The following NIPAL2 variants were observed in gnomAD, a reference collection of about 807,000 sequenced individuals.
NIPAL2 encodes the protein NIPA-like protein 2.
Under a neutral mutation model 48.9 loss-of-function variants are expected in NIPAL2, and 43 were observed. That is an observed-to-expected ratio of 0.88 (90% CI 0.69 to 1.13). The LOEUF (loss-of-function observed/expected upper bound fraction) is 1.13. Among genes scored for constraint, NIPAL2 ranks in the 50% most tolerant of loss-of-function variants. The pLI is 0.00. For synonymous variants in NIPAL2, 167 were observed against 174.6 expected (o/e 0.96, Z 0.34); for missense variants, 446 against 461.4 (o/e 0.97, Z 0.31).
intron 1 of NIPAL2, among the ~76,000 whole-genome samples, chr8:98,268,602 C>T (rs968960239): frequency 1.4e-5 from 2 of 141,256 alleles, no homozygotes; most frequent in African/African-American, 5.3e-5. Flanking sequence ...GCCTGGGCAA[C>T]AGAGCAAGAC....
At chr8:98,284,416 T>TCACA (rs1194028776) in intron 1 of NIPAL2, among the ~76,000 whole-genome samples, 1 of 101,782 alleles carries the variant, frequency 9.8e-6, no homozygotes, top group Non-Finnish European at 2.0e-5. Context: ...TCTCTCTCTC[T>TCACA]CTCACACACA....
chr8:98,292,177 TC>T (rs1816522301), intron 1 of NIPAL2, among the ~76,000 whole-genome samples: 1 of 152,220 alleles, frequency 6.6e-6, no homozygotes, highest in Admixed American at 6.5e-5. Flanking sequence ...CACATTTATA[TC>T]TCACACTTTG....
At chr8:98,210,311 T>C (rs893126159) in intron 6 of NIPAL2, among the ~76,000 whole-genome samples, 54 of 121,486 alleles carry the variant, frequency 4.4e-4, no homozygotes, top group African/African-American at 1.3e-3. Context: ...GCTTTAATAA[T>C]AATTTAAAAA....
chr8:98,259,359 G>A (rs536214147), intron 1 of NIPAL2, among the ~76,000 whole-genome samples: 1 of 152,214 alleles, frequency 6.6e-6, no homozygotes, highest in East Asian at 1.9e-4. Context: ...ACAGGCGTGA[G>A]CCACCGCACC....
intron 1 of NIPAL2, among the ~76,000 whole-genome samples, chr8:98,277,674 C>T (rs1815552237): frequency 6.6e-6 from 1 of 152,186 alleles, no homozygotes; most frequent in South Asian, 2.1e-4. Flanking sequence ...TTTGCCTATT[C>T]TGGACATTTT....
At chr8:98,230,999 C>G (rs563691437) in intron 4 of NIPAL2, among the ~76,000 whole-genome samples, 2 of 152,168 alleles carry the variant, frequency 1.3e-5, no homozygotes, top group African/African-American at 4.8e-5. Context: ...ATTCAGCTAA[C>G]CTGACTGCAA....
intron 1 of NIPAL2, among the ~76,000 whole-genome samples, chr8:98,268,368 C>T (rs1814903069): frequency 6.6e-6 from 1 of 152,052 alleles, no homozygotes; most frequent in Non-Finnish European, 1.5e-5. Context: ...TGCCTGTCAT[C>T]CCGGCATTTT....
At chr8:98,276,439 A>G (rs1335961122) in intron 1 of NIPAL2, among the ~76,000 whole-genome samples, 3 of 152,112 alleles carry the variant, frequency 2.0e-5, no homozygotes, top group African/African-American at 7.2e-5. Flanking sequence ...CATTATCTGG[A>G]TGTACCACAG....
At chr8:98,213,122 CAG>C (rs1811401868) in intron 5 of NIPAL2, among the ~76,000 whole-genome samples, 1 of 152,182 alleles carries the variant, frequency 6.6e-6, no homozygotes, top group Admixed American at 6.5e-5. Flanking sequence ...CAGGCACTCA[CAG>C]AGTCTCTACC....
intron 1 of NIPAL2, among the ~76,000 whole-genome samples, chr8:98,256,613 C>A (rs960803157): frequency 7.0e-6 from 1 of 143,752 alleles, no homozygotes; most frequent in East Asian, 2.0e-4. Flanking sequence ...ACTTCACATC[C>A]AGTAGGATGG....
At chr8:98,293,677 G>C (rs903428843) in intron 1 of NIPAL2, among the ~76,000 whole-genome samples, 6 of 152,204 alleles carry the variant, frequency 3.9e-5, no homozygotes, top group African/African-American at 1.4e-4. Context: ...GATTCCTTCC[G>C]GGAGAAGAGG....
At chr8:98,258,593 G>A (rs1032162927) in intron 1 of NIPAL2, among the ~76,000 whole-genome samples, 3 of 152,158 alleles carry the variant, frequency 2.0e-5, no homozygotes, top group Non-Finnish European at 4.4e-5. Flanking sequence ...TGGGTAACAA[G>A]ACTGAAACCC....
chr8:98,272,548 C>A (rs1287540401), intron 1 of NIPAL2, among the ~76,000 whole-genome samples: 1 of 151,670 alleles, frequency 6.6e-6, no homozygotes. Context: ...TATTAAGAAA[C>A]AGTTTCAATA....
intron 4 of NIPAL2, among the ~76,000 whole-genome samples, chr8:98,235,200 A>C (rs1383908524): frequency 6.6e-6 from 1 of 152,186 alleles, no homozygotes; most frequent in Non-Finnish European, 1.5e-5. Flanking sequence ...GCATTGTTTT[A>C]TTTAAAGTGC....
intron 5 of NIPAL2, among the ~76,000 whole-genome samples, chr8:98,220,836 A>G (rs1297985412): frequency 1.3e-5 from 2 of 152,068 alleles, no homozygotes; most frequent in African/African-American, 4.8e-5. Flanking sequence ...AATCTATACT[A>G]ACTTCTGTGA....
intron 1 of NIPAL2, among the ~76,000 whole-genome samples, chr8:98,276,059 C>T (rs1468085510): frequency 6.6e-6 from 1 of 152,130 alleles, no homozygotes; most frequent in African/African-American, 2.4e-5. Flanking sequence ...AAGAGTAATA[C>T]ATTTGTTACA....
intron 1 of NIPAL2, among the ~76,000 whole-genome samples, chr8:98,266,553 C>CAA (rs1168587196): frequency 2.7e-4 from 19 of 69,254 alleles, no homozygotes; most frequent in East Asian, 2.3e-3. Flanking sequence ...ACTCTGTCTC[C>CAA]AAAAAAAAAA....
chr8:98,196,143 T>C, intron 8 of NIPAL2, 138 bp from the exon 9 acceptor site: 1 of 507,548 alleles, frequency 2.0e-6, no homozygotes, highest in Non-Finnish European at 3.4e-6. Flanking sequence ...CATTCAGCAG[T>C]TTAGTTTAAG....
chr8:98,230,785 C>T (rs534620613), intron 4 of NIPAL2, among the ~76,000 whole-genome samples: 26 of 152,280 alleles, frequency 1.7e-4, no homozygotes, highest in East Asian at 9.7e-4. Flanking sequence ...CTCTAGCTGG[C>T]GGAGTCTTGG....
Sources: allele counts gnomAD v4.1 joint callset (sites outside exome capture counted in the v4.1 genomes callset), GRCh38; gene constraint gnomAD v4.1.1; transcripts MANE v1.5; gene names NCBI Gene and HGNC (gene_info 2026-07-23, HGNC 2026-07-21).